VAV3: variants seen among roughly 807,000 people sequenced by gnomAD.
VAV3 encodes the protein vav guanine nucleotide exchange factor 3, also known as guanine nucleotide exchange factor VAV3.
In VAV3, 94 loss-of-function variants were observed where a neutral mutation model predicts 131.2. The observed-to-expected ratio is 0.72, with a 90% CI of 0.61 to 0.85. The LOEUF (loss-of-function observed/expected upper bound fraction) is 0.85. VAV3 is among the 40% of genes least tolerant of loss of function. The pLI is 0.00. For missense variants in VAV3, 939 were observed against 1,002.7 expected (o/e 0.94, Z 0.86); for synonymous variants, 349 against 342.0 (o/e 1.02, Z -0.22).
chr1:107,631,524 T>C (rs992952664), intron 20 of VAV3, among the ~76,000 whole-genome samples: 8 of 151,786 alleles, frequency 5.3e-5, no homozygotes, highest in East Asian at 3.9e-4. Flanking sequence ...ATGTGCACAA[T>C]GTACAGGTTA....
intron 19 of VAV3, among the ~76,000 whole-genome samples, chr1:107,682,727 C>T (rs1658733270): frequency 6.6e-6 from 1 of 150,864 alleles, no homozygotes; most frequent in East Asian, 1.9e-4. Flanking sequence ...AAATGAAACA[C>T]ATAGTCCAGA....
intron 15 of VAV3, among the ~76,000 whole-genome samples, chr1:107,707,357 C>T (rs981198239): frequency 3.9e-5 from 6 of 152,136 alleles, no homozygotes; most frequent in African/African-American, 9.7e-5. Flanking sequence ...TCAGTAGCAG[C>T]GTGATCTTAG....
At chr1:107,618,068 C>A (rs775135221) in intron 20 of VAV3, among the ~76,000 whole-genome samples, 2 of 152,024 alleles carry the variant, frequency 1.3e-5, no homozygotes, top group Non-Finnish European at 1.5e-5. Flanking sequence ...CCCTCACATG[C>A]GCAGTTCACA....
chr1:107,593,964 T>C (rs1332494548), intron 25 of VAV3, among the ~76,000 whole-genome samples: 1 of 152,094 alleles, frequency 6.6e-6, no homozygotes. Flanking sequence ...AAGTGCTTTA[T>C]ATAGAACACC....
chr1:107,723,305 C>G (rs941836700), intron 15 of VAV3, among the ~76,000 whole-genome samples: 2 of 152,130 alleles, frequency 1.3e-5, no homozygotes, highest in Non-Finnish European at 2.9e-5. Context: ...CCTCCCCTGA[C>G]TTGTGCTTAT....
In VAV3 at chr1:107,829,863, C is replaced by A. The variant is rs923789253; in HGVS notation, c.321+45038G>T. Reference sequence around the variant, plus strand: ...TCATTTAATCAGAACAAACAAGGAGCCTTTCATACATCCCTTTGGAATGAT... The same window carrying A: ...TCATTTAATCAGAACAAACAAGGAGACTTTCATACATCCCTTTGGAATGAT... On this transcript the variant is annotated intron_variant, in intron 2 of 26. Coordinates refer to ENST00000370056, the MANE Select transcript of VAV3 (RefSeq NM_006113.5). 6.6e-5 allele frequency among the ~76,000 whole-genome samples: 10 copies of A among 152,116 alleles called. No individual in the cohort carries two copies. In the East Asian group the frequency reaches 1.9e-3, roughly 29 times the overall value.
At chr1:107,631,229 A>T (rs1263108431) in intron 20 of VAV3, among the ~76,000 whole-genome samples, 1 of 151,978 alleles carries the variant, frequency 6.6e-6, no homozygotes, top group Non-Finnish European at 1.5e-5. Flanking sequence ...ATGCATTGTT[A>T]TCATAATACA....
At chr1:107,610,125 T>A (rs1652614832) in intron 21 of VAV3, among the ~76,000 whole-genome samples, 160 bp from the exon 22 acceptor site, 1 of 152,220 alleles carries the variant, frequency 6.6e-6, no homozygotes, top group Non-Finnish European at 1.5e-5. Context: ...TCATAGTATC[T>A]GTCAGATAAG....
chr1:107,623,527 G>A (rs1035859393), intron 20 of VAV3, among the ~76,000 whole-genome samples: 10 of 152,156 alleles, frequency 6.6e-5, no homozygotes, highest in African/African-American at 2.2e-4. Context: ...TCACCTGAAC[G>A]GGAACTATTA....
intron 15 of VAV3, among the ~76,000 whole-genome samples, chr1:107,746,859 A>G (rs1663377582): frequency 6.7e-6 from 1 of 150,322 alleles, no homozygotes; most frequent in Admixed American, 6.7e-5. Flanking sequence ...AATGCTGACA[A>G]TAGTATTTAT....
chr1:107,704,871 A>G, intron 16 of VAV3, 89 bp downstream of exon 16: 1 of 1,341,626 alleles, frequency 7.5e-7, no homozygotes, highest in Non-Finnish European at 1.1e-6. Flanking sequence ...CCACTTTAGA[A>G]CCTATTGGCT....
chr1:107,894,085 T>C (rs1032403167), intron 1 of VAV3, among the ~76,000 whole-genome samples: 1 of 152,214 alleles, frequency 6.6e-6, no homozygotes, highest in South Asian at 2.1e-4. Context: ...TGACTACCAA[T>C]GTCATCCCTC....
chr1:107,736,438 C>T (rs138306870), intron 15 of VAV3, among the ~76,000 whole-genome samples: 18,083 of 152,062 alleles, frequency 0.12, 1,208 homozygotes, highest in East Asian at 0.26. Context: ...GCAGATGACA[C>T]GATTGTATAT....
intron 1 of VAV3, among the ~76,000 whole-genome samples, chr1:107,894,160 C>T (rs184622930): frequency 5.0e-4 from 76 of 152,184 alleles, no homozygotes; most frequent in Admixed American, 4.1e-3. Context: ...ACTGTTTACT[C>T]GGGCAAGAAT....
chr1:107,704,084 T>G (rs889650639), intron 17 of VAV3, among the ~76,000 whole-genome samples: 1 of 152,208 alleles, frequency 6.6e-6, no homozygotes, highest in Admixed American at 6.5e-5. Flanking sequence ...TGTATTCAAT[T>G]CATTAATTCA....
chr1:107,851,128 C>T (rs1277662300), intron 2 of VAV3, among the ~76,000 whole-genome samples: 2 of 147,130 alleles, frequency 1.4e-5, no homozygotes, highest in African/African-American at 2.5e-5. Context: ...GCCGGGATAG[C>T]GCCACTGCAG....
chr1:107,657,501 G>T (rs990183231), intron 19 of VAV3, among the ~76,000 whole-genome samples: 2 of 152,182 alleles, frequency 1.3e-5, no homozygotes, highest in Non-Finnish European at 2.9e-5. Flanking sequence ...GGCTAAGAAA[G>T]AATTGTTATA....
intron 20 of VAV3, among the ~76,000 whole-genome samples, chr1:107,631,152 T>TA (rs897457222): frequency 1.3e-5 from 2 of 152,076 alleles, no homozygotes; most frequent in Non-Finnish European, 1.5e-5. Context: ...TTGTAACACC[T>TA]ATTTTTTTTT....
At chr1:107,600,775 C>T (rs971971141) in intron 24 of VAV3, among the ~76,000 whole-genome samples, 4 of 152,208 alleles carry the variant, frequency 2.6e-5, no homozygotes, top group African/African-American at 4.8e-5. Context: ...TTCTGAAGAA[C>T]TGCCTTGAGC....
Sources: gnomAD v4.1 joint callset for allele counts (sites outside exome capture counted in the v4.1 genomes callset) on GRCh38, gnomAD v4.1.1 for gene constraint, MANE v1.5 for transcripts, NCBI Gene and HGNC (gene_info 2026-07-23, HGNC 2026-07-21) for gene names.